Variants in ARHGAP42 observed in about 807,000 individuals in gnomAD.
The protein encoded by ARHGAP42 is Rho GTPase activating protein 42.
ARHGAP42 carries 63 observed loss-of-function variants against 125.0 expected under a neutral mutation model. That is an observed-to-expected ratio of 0.50 (90% CI 0.41 to 0.62). The LOEUF (loss-of-function observed/expected upper bound fraction) is 0.62. ARHGAP42 is among the 20% of genes least tolerant of loss of function. The pLI is 0.00. For synonymous variants in ARHGAP42, 339 were observed against 351.0 expected, an observed-to-expected ratio of 0.97 and a Z score of 0.38; for missense variants, 766 against 1,024.2, an observed-to-expected ratio of 0.75 and a Z score of 3.44.
At chr11:100,852,939 A>C (rs1378158965) in intron 3 of ARHGAP42, among the ~76,000 whole-genome samples, 1 of 152,134 alleles carries the variant, frequency 6.6e-6, no homozygotes, top group Non-Finnish European at 1.5e-5. Context: ...TACCTAGTCA[A>C]ATGCAGGAGC....
chr11:100,757,142 G>A (rs927458436), intron 1 of ARHGAP42, among the ~76,000 whole-genome samples: 3 of 151,960 alleles, frequency 2.0e-5, no homozygotes, highest in Non-Finnish European at 4.4e-5. Flanking sequence ...GTGAGAAAAT[G>A]GTAAATAAGA....
chr11:100,836,694 G>A (rs1435707984), intron 3 of ARHGAP42, among the ~76,000 whole-genome samples: 1 of 145,918 alleles, frequency 6.9e-6, no homozygotes, highest in African/African-American at 2.5e-5. Flanking sequence ...AATTTGAGAT[G>A]TGTAAGGTTT....
chr11:100,772,737 G>A (rs1007084886), intron 2 of ARHGAP42, among the ~76,000 whole-genome samples: 1 of 152,174 alleles, frequency 6.6e-6, no homozygotes, highest in Non-Finnish European at 1.5e-5. Context: ...TATACACTTA[G>A]CCAGGTAAAA....
At chr11:100,802,039 A>G (rs555392532) in intron 3 of ARHGAP42, among the ~76,000 whole-genome samples, 3 of 152,330 alleles carry the variant, frequency 2.0e-5, no homozygotes, top group South Asian at 4.1e-4. Context: ...GTCATTGATT[A>G]GGTGTCTTTG....
chr11:100,714,997 T>G (rs1861631610), intron 1 of ARHGAP42, among the ~76,000 whole-genome samples: 1 of 140,208 alleles, frequency 7.1e-6, no homozygotes, highest in South Asian at 2.2e-4. Context: ...TGCAGTGAGC[T>G]GTGATTGCAC....
chr11:100,697,901 C>T (rs1193476595), intron 1 of ARHGAP42, among the ~76,000 whole-genome samples: 1 of 152,154 alleles, frequency 6.6e-6, no homozygotes, highest in African/African-American at 2.4e-5. Flanking sequence ...AAATTAAAGT[C>T]AGTTGTGACA....
intron 4 of ARHGAP42, among the ~76,000 whole-genome samples, chr11:100,902,083 G>A (rs1270699430): frequency 1.3e-5 from 2 of 152,170 alleles, no homozygotes; most frequent in South Asian, 4.1e-4. Context: ...AGCAGAAAAG[G>A]GGATTCCATA....
intron 1 of ARHGAP42, among the ~76,000 whole-genome samples, chr11:100,698,322 T>G (rs1422577301): frequency 1.3e-5 from 2 of 152,002 alleles, no homozygotes; most frequent in African/African-American, 4.8e-5. Context: ...AAAAAGAAAA[T>G]TAGCTGGGTG....
intron 4 of ARHGAP42, among the ~76,000 whole-genome samples, chr11:100,907,034 C>T (rs545544065): frequency 6.6e-6 from 1 of 152,330 alleles, no homozygotes; most frequent in South Asian, 2.1e-4. Context: ...TTAGGACACA[C>T]ATATATGTCC....
chr11:100,856,304 C>G (rs1018084505), intron 3 of ARHGAP42, among the ~76,000 whole-genome samples: 2 of 152,010 alleles, frequency 1.3e-5, no homozygotes, highest in African/African-American at 4.8e-5. Context: ...TATGCAGTAG[C>G]AACAGTAACT....
At chr11:100,987,806 A>AGAATAAAT (rs1555038428) in intron 23 of ARHGAP42, among the ~76,000 whole-genome samples, 1 of 142,472 alleles carries the variant, frequency 7.0e-6, no homozygotes, top group East Asian at 2.1e-4. Context: ...CCCAACCCAC[A>AGAATAAAT]AAATAAATAA....
At chr11:100,981,681 A>G (rs1858549872) in intron 22 of ARHGAP42, among the ~76,000 whole-genome samples, 1 of 152,198 alleles carries the variant, frequency 6.6e-6, no homozygotes, top group African/African-American at 2.4e-5. Flanking sequence ...CAGGTTGTGA[A>G]GGGGAGAGAA....
intron 17 of ARHGAP42, among the ~76,000 whole-genome samples, chr11:100,970,730 C>G (rs1858219826): frequency 6.6e-6 from 1 of 152,088 alleles, no homozygotes; most frequent in African/African-American, 2.4e-5. Context: ...AAATCTTTGA[C>G]CCATTGCTCT....
chr11:100,696,449 G>C (rs1343215670), intron 1 of ARHGAP42, among the ~76,000 whole-genome samples: 1 of 151,356 alleles, frequency 6.6e-6, no homozygotes. Context: ...CGCCTCCCGG[G>C]TTCAAGCAAT....
At chr11:100,926,728 G>A (rs965636088) in intron 6 of ARHGAP42, among the ~76,000 whole-genome samples, 6 of 152,192 alleles carry the variant, frequency 3.9e-5, no homozygotes, top group African/African-American at 9.7e-5. Flanking sequence ...CAAAGCTCTT[G>A]TACCTGGTAC....
intron 2 of ARHGAP42, among the ~76,000 whole-genome samples, chr11:100,774,946 G>A (rs943299515): frequency 6.6e-6 from 1 of 152,166 alleles, no homozygotes; most frequent in Admixed American, 6.5e-5. Flanking sequence ...TTCGTTGTTC[G>A]AGACCCAGTG....
intron 1 of ARHGAP42, among the ~76,000 whole-genome samples, chr11:100,714,006 A>G (rs1226820320): frequency 1.3e-5 from 2 of 152,208 alleles, no homozygotes; most frequent in South Asian, 2.1e-4. Context: ...AAAATAATTT[A>G]AGGCAAGAAT....
chr11:100,691,506 T>C (rs1176909881), intron 1 of ARHGAP42, among the ~76,000 whole-genome samples: 1 of 152,006 alleles, frequency 6.6e-6, no homozygotes, highest in Non-Finnish European at 1.5e-5. Context: ...AATAGAAACT[T>C]GATAAGCAAG....
intron 3 of ARHGAP42, among the ~76,000 whole-genome samples, chr11:100,831,833 A>G (rs1347690975): frequency 6.6e-6 from 1 of 152,228 alleles, no homozygotes; most frequent in Non-Finnish European, 1.5e-5. Context: ...CACTGGGAAA[A>G]TGCATTCTAT....
Sources: allele counts gnomAD v4.1 joint callset (sites outside exome capture counted in the v4.1 genomes callset), GRCh38; gene constraint gnomAD v4.1.1; transcripts MANE v1.5; gene names NCBI Gene and HGNC (gene_info 2026-07-23, HGNC 2026-07-21).